SLC24A3: variants seen among roughly 807,000 people sequenced by gnomAD.
SLC24A3 encodes the protein sodium/potassium/calcium exchanger 3.
In SLC24A3, 28 loss-of-function variants were observed where a neutral mutation model predicts 75.8. The observed-to-expected ratio is 0.37, with a 90% CI of 0.27 to 0.51. SLC24A3 has a LOEUF of 0.51. SLC24A3 is among the 20% of genes least tolerant of loss of function. The pLI, the probability that SLC24A3 is intolerant of heterozygous loss-of-function variation, is 0.94. For synonymous variants in SLC24A3, 372 were observed against 334.1 expected (o/e 1.11, Z -1.24); for missense variants, 663 against 847.8 (o/e 0.78, Z 2.71).
At chr20:19,577,535 C>T (rs2031158071) in intron 3 of SLC24A3, among the ~76,000 whole-genome samples, 1 of 152,014 alleles carries the variant, frequency 6.6e-6, no homozygotes, top group African/African-American at 2.4e-5. Flanking sequence ...AAAAGTTACA[C>T]AAGAAATACT....
At chr20:19,357,622 G>A (rs1985712243) in intron 2 of SLC24A3, among the ~76,000 whole-genome samples, 2 of 152,140 alleles carry the variant, frequency 1.3e-5, no homozygotes, top group African/African-American at 4.8e-5. Context: ...TAGTCAGTGT[G>A]CCATTTCTTC....
chr20:19,425,851 T>TG (rs1986997421), intron 2 of SLC24A3, among the ~76,000 whole-genome samples: 1 of 152,188 alleles, frequency 6.6e-6, no homozygotes, highest in Non-Finnish European at 1.5e-5. Flanking sequence ...TGTCCCAAAT[T>TG]GGGCCAGTGG....
intron 3 of SLC24A3, among the ~76,000 whole-genome samples, chr20:19,562,934 C>G (rs56351398): frequency 6.6e-6 from 1 of 152,142 alleles, no homozygotes; most frequent in African/African-American, 2.4e-5. Flanking sequence ...ATGGTCCCAA[C>G]CTGGGAATCT....
chr20:19,670,731 C>T (rs981136139), intron 8 of SLC24A3, among the ~76,000 whole-genome samples: 5 of 152,138 alleles, frequency 3.3e-5, no homozygotes, highest in East Asian at 3.9e-4. Flanking sequence ...GTGTATGCTA[C>T]GTATACATTG....
At chr20:19,445,662 A>G (rs1987370099) in intron 2 of SLC24A3, among the ~76,000 whole-genome samples, 1 of 152,210 alleles carries the variant, frequency 6.6e-6, no homozygotes, top group South Asian at 2.1e-4. Context: ...CCCATCAGCC[A>G]TTAGTTAAGA....
At chr20:19,602,129 G>A (rs557286813) in intron 6 of SLC24A3, among the ~76,000 whole-genome samples, 1 of 152,240 alleles carries the variant, frequency 6.6e-6, no homozygotes, top group African/African-American at 2.4e-5. Context: ...AGCCGAGATT[G>A]TGCCACTGCA....
At chr20:19,521,529 C>T (rs2030098737) in intron 3 of SLC24A3, among the ~76,000 whole-genome samples, 1 of 152,052 alleles carries the variant, frequency 6.6e-6, no homozygotes, top group South Asian at 2.1e-4. Context: ...GAGGCTGGGA[C>T]ACCTCCTGGG....
At chr20:19,615,200 A>G (rs1359445652) in intron 6 of SLC24A3, among the ~76,000 whole-genome samples, 4 of 152,152 alleles carry the variant, frequency 2.6e-5, no homozygotes, top group Admixed American at 2.6e-4. Context: ...GAGGGATCAA[A>G]TCAGAGTCCG....
rs2032080060 is a variant in SLC24A3 at position 19,641,984 on chromosome 20, G to T, written c.613-12078G>T. Among the ~76,000 whole-genome samples the T allele has an allele frequency of 2.0e-5, 3 of 152,154 alleles. No individual in the cohort carries two copies. In the South Asian group the frequency reaches 6.2e-4, roughly 32 times the overall value. On this transcript the variant is annotated intron_variant, in intron 6 of 16. Transcript: ENST00000328041. ...TGCACTCTGCAGTAAGTCAGACCTG[G>T]CTCAAAACGTAGTCCTATCACTTTC... is the stretch of plus-strand genomic sequence containing the variant.
chr20:19,590,877 A>G (rs867216932), intron 6 of SLC24A3, among the ~76,000 whole-genome samples: 13 of 152,168 alleles, frequency 8.5e-5, no homozygotes, highest in Non-Finnish European at 1.9e-4. Context: ...AGCTCTCATC[A>G]CGTTCTAGAC....
At chr20:19,295,188 T>G (rs971647263) in intron 2 of SLC24A3, among the ~76,000 whole-genome samples, 3 of 152,204 alleles carry the variant, frequency 2.0e-5, no homozygotes, top group Non-Finnish European at 4.4e-5. Context: ...TTAAGTTCCT[T>G]GTAGAATCTG....
At chr20:19,698,276 A>G (rs1258809757) in intron 14 of SLC24A3, among the ~76,000 whole-genome samples, 1 of 152,224 alleles carries the variant, frequency 6.6e-6, no homozygotes, top group South Asian at 2.1e-4. Flanking sequence ...TACAATCCAC[A>G]TGAGATTTTG....
In SLC24A3 at chr20:19,684,410, T is replaced by A. The variant is rs1461862334; in HGVS notation, c.1062+74T>A. The A allele has an allele frequency of 4.0e-6, 6 of 1,492,376 alleles. No individual in the cohort carries two copies. In the East Asian group the frequency reaches 9.8e-5, roughly 24 times the overall value. 92.4% of individuals were successfully genotyped at this position (1,492,376 alleles called of 1,614,324 possible). A position where few individuals can be genotyped will look rare whatever the true frequency, so the allele number is the denominator to read the frequency against. The stretch of plus-strand genomic sequence containing the variant: ...TCTGGGAAGGAGAGAAGGTTTCTTG[T>A]TTGAAAGAAGAAGCACCTAACTCAA... On this transcript the variant is annotated intron_variant, in intron 11 of 16. Transcript: ENST00000328041.
At chr20:19,665,584 A>G (rs533591975) in intron 7 of SLC24A3, among the ~76,000 whole-genome samples, 2 of 152,350 alleles carry the variant, frequency 1.3e-5, no homozygotes. Context: ...GATGTTGTAC[A>G]GAAATTGCAG....
At chr20:19,561,661 C>A (rs1378934857) in intron 3 of SLC24A3, among the ~76,000 whole-genome samples, 1 of 152,188 alleles carries the variant, frequency 6.6e-6, no homozygotes, top group East Asian at 1.9e-4. Context: ...TGACCCCCAG[C>A]AACAATAAAA....
intron 2 of SLC24A3, among the ~76,000 whole-genome samples, chr20:19,416,935 G>A (rs994761613): frequency 1.3e-5 from 2 of 152,180 alleles, no homozygotes; most frequent in African/African-American, 2.4e-5. Flanking sequence ...GCACAGAAGG[G>A]GAGCAGTTAA....
At chr20:19,236,589 A>T (rs935174861) in intron 1 of SLC24A3, among the ~76,000 whole-genome samples, 1 of 151,784 alleles carries the variant, frequency 6.6e-6, no homozygotes, top group African/African-American at 2.4e-5. Context: ...GCAACTCTGC[A>T]AAAAAAATAT....
At chr20:19,505,149 G>A (rs1988443658) in intron 2 of SLC24A3, among the ~76,000 whole-genome samples, 1 of 152,208 alleles carries the variant, frequency 6.6e-6, no homozygotes, top group Non-Finnish European at 1.5e-5. Flanking sequence ...TTTGTGGGCT[G>A]ATTGTTTAAA....
At position 19,388,572 on chromosome 20, in the gene SLC24A3, G is replaced by A. The variant is rs192183503; in HGVS notation, c.271+107485G>A. Reference sequence around the variant, plus strand: ...TAGAAATACAAAAAATTAGCCGGGCGTGGTGGTGGGTGCCTGTAGTCCCAG... The same window carrying A: ...TAGAAATACAAAAAATTAGCCGGGCATGGTGGTGGGTGCCTGTAGTCCCAG... On this transcript the variant is annotated intron_variant, in intron 2 of 16. Coordinates refer to ENST00000328041, the MANE Select transcript of SLC24A3 (RefSeq NM_020689.4). Among the ~76,000 whole-genome samples, 15 of 152,252 alleles carry A rather than the reference G, an allele frequency of 9.9e-5. No individual in the cohort carries two copies. In the East Asian group the frequency reaches 2.1e-3, roughly 22 times the overall value.
Sources: gnomAD v4.1 joint callset for allele counts (sites outside exome capture counted in the v4.1 genomes callset) on GRCh38, gnomAD v4.1.1 for gene constraint, MANE v1.5 for transcripts, NCBI Gene and HGNC (gene_info 2026-07-23, HGNC 2026-07-21) for gene names.